The following TTC28 variants were observed in gnomAD, a reference collection of about 807,000 sequenced individuals.
TTC28 encodes the protein tetratricopeptide repeat domain 28, also known as tetratricopeptide repeat protein 28.
TTC28 carries 61 observed loss-of-function variants against 198.0 expected under a neutral mutation model. The ratio of observed to expected loss-of-function variants is 0.31; its 90% CI spans 0.25 to 0.38. The LOEUF (loss-of-function observed/expected upper bound fraction) is 0.38. TTC28 is among the 10% of genes least tolerant of loss of function. The pLI is 1.00. For synonymous variants in TTC28, 1,171 were observed against 1,297.8 expected (o/e 0.90, Z 2.10); for missense variants, 2,678 against 3,164.0 (o/e 0.85, Z 3.69).
At chr22:28,052,015 G>A (rs1940105866) in intron 12 of TTC28, among the ~76,000 whole-genome samples, 1 of 152,156 alleles carries the variant, frequency 6.6e-6, no homozygotes, top group South Asian at 2.1e-4. Flanking sequence ...ACAGACAAAA[G>A]AGCCAAGGGG....
intron 2 of TTC28, among the ~76,000 whole-genome samples, chr22:28,323,397 T>G (rs1242586345): frequency 6.6e-6 from 1 of 152,104 alleles, no homozygotes; most frequent in Non-Finnish European, 1.5e-5. Flanking sequence ...CTATTCAGAA[T>G]CCTATCAGAT....
intron 2 of TTC28, among the ~76,000 whole-genome samples, chr22:28,616,180 C>G (rs980882774): frequency 1.3e-5 from 2 of 152,152 alleles, no homozygotes; most frequent in East Asian, 1.9e-4. Context: ...ACGACAAAGT[C>G]TTCAGAATCA....
At chr22:27,989,230 A>G (rs1023699818) in intron 21 of TTC28, among the ~76,000 whole-genome samples, 8 of 152,196 alleles carry the variant, frequency 5.3e-5, no homozygotes, top group Non-Finnish European at 2.9e-5. Flanking sequence ...GGCCCCTGCT[A>G]TGTGCAGTCC....
intron 2 of TTC28, among the ~76,000 whole-genome samples, chr22:28,348,784 C>T (rs2045947737): frequency 6.6e-6 from 1 of 152,162 alleles, no homozygotes; most frequent in Non-Finnish European, 1.5e-5. Flanking sequence ...GCTCTTTAAA[C>T]ATGTCAACTG....
intron 12 of TTC28, among the ~76,000 whole-genome samples, chr22:28,086,427 A>G (rs1415193553): frequency 5.3e-5 from 8 of 152,144 alleles, no homozygotes; most frequent in Non-Finnish European, 7.4e-5. Context: ...GGTACATAAC[A>G]AAATGAAGGC....
chr22:28,540,788 G>A (rs2049395036), intron 2 of TTC28, among the ~76,000 whole-genome samples: 3 of 152,170 alleles, frequency 2.0e-5, no homozygotes, highest in African/African-American at 7.2e-5. Flanking sequence ...TCTTAGGTCA[G>A]TCTAATATGC....
intron 9 of TTC28, among the ~76,000 whole-genome samples, chr22:28,099,340 C>T (rs1056844843): frequency 6.6e-6 from 1 of 152,202 alleles, no homozygotes; most frequent in Non-Finnish European, 1.5e-5. Context: ...CATGTGAGCT[C>T]GTCCTTAGCT....
intron 12 of TTC28, among the ~76,000 whole-genome samples, chr22:28,055,592 T>C (rs1940255556): frequency 6.6e-6 from 1 of 152,192 alleles, no homozygotes; most frequent in South Asian, 2.1e-4. Context: ...TATTTAGTTT[T>C]AAGGCTCACA....
chr22:28,647,460 G>A (rs2051487053), intron 1 of TTC28, among the ~76,000 whole-genome samples: 1 of 152,160 alleles, frequency 6.6e-6, no homozygotes, highest in Non-Finnish European at 1.5e-5. Flanking sequence ...CAGAGAGGAA[G>A]AAGGTATTTG....
intron 2 of TTC28, among the ~76,000 whole-genome samples, chr22:28,446,719 C>T (rs2047708620): frequency 6.6e-6 from 1 of 152,118 alleles, no homozygotes; most frequent in Non-Finnish European, 1.5e-5. Flanking sequence ...CCAATTAAAC[C>T]TCTTTTCTTT....
At chr22:28,541,533 A>G in intron 2 of TTC28, among the ~76,000 whole-genome samples, 1 of 152,198 alleles carries the variant, frequency 6.6e-6, no homozygotes, top group East Asian at 1.9e-4. Context: ...CAAATGCACA[A>G]CAGGAAAACA....
At chr22:28,439,627 A>G (rs1259971633) in intron 2 of TTC28, among the ~76,000 whole-genome samples, 2 of 152,214 alleles carry the variant, frequency 1.3e-5, no homozygotes, top group Non-Finnish European at 2.9e-5. Context: ...TACAAATTAT[A>G]ACACCTACCA....
chr22:28,211,238 A>C (rs548421862), intron 5 of TTC28, among the ~76,000 whole-genome samples: 1 of 152,260 alleles, frequency 6.6e-6, no homozygotes, highest in Admixed American at 6.5e-5. Flanking sequence ...CGAGCAAAAT[A>C]ACCAGCTAGC....
chr22:28,491,250 T>C (rs926235726), intron 2 of TTC28, among the ~76,000 whole-genome samples: 4 of 152,100 alleles, frequency 2.6e-5, no homozygotes, highest in East Asian at 1.9e-4. Flanking sequence ...AAAGCCAAAA[T>C]TGACAAATGG....
chr22:28,186,746 G>A (rs1442840205), intron 5 of TTC28, among the ~76,000 whole-genome samples: 1 of 152,152 alleles, frequency 6.6e-6, no homozygotes, highest in Non-Finnish European at 1.5e-5. Flanking sequence ...GGTTTACTTT[G>A]CTGCTAGTAA....
At chr22:28,032,471 G>A (rs567962867) in intron 12 of TTC28, among the ~76,000 whole-genome samples, 36 of 151,550 alleles carry the variant, frequency 2.4e-4, no homozygotes, top group South Asian at 6.2e-4. Context: ...TAAACACAGC[G>A]CAGTACCTGG....
Position 27,982,859 on chromosome 22 carries a change from G to A in TTC28, c.6808C>T (p.Pro2270Ser), listed in dbSNP as rs1218133095. Residue 2270 changes from proline (P) to serine (S), a missense_variant, in exon 23 of 23, where the codon CCA (proline) becomes TCA (serine). Coordinates refer to ENST00000397906, the MANE Select transcript of TTC28 (RefSeq NM_001145418.2). This position sits in a 1 kb window ranked among gnomAD's most constrained non-coding sequence, Gnocchi z 5.2. Reference sequence around the variant, plus strand: ...GTCTGTGAGTCGCAGCCGGGCGATGGCCGGCCACTGTGCTGGCTCGGGCTG... The same window carrying A: ...GTCTGTGAGTCGCAGCCGGGCGATGACCGGCCACTGTGCTGGCTCGGGCTG... ...KDSPSQHSGR[P>S]SPGCDSQTSQ... 6.5e-7 allele frequency: 1 copy of A among 1,546,182 alleles called. No individual in the cohort carries two copies. The highest frequency in any genetic ancestry group is 1.2e-5 in the South Asian group (1 of 83,572).
intron 6 of TTC28, among the ~76,000 whole-genome samples, chr22:28,110,852 T>C (rs1942461309): frequency 6.6e-6 from 1 of 151,862 alleles, no homozygotes; most frequent in Non-Finnish European, 1.5e-5. Flanking sequence ...GGAGGATCAT[T>C]TGAGCTCAGA....
intron 2 of TTC28, among the ~76,000 whole-genome samples, chr22:28,381,405 T>C (rs1264228255): frequency 2.0e-5 from 3 of 152,172 alleles, no homozygotes; most frequent in Non-Finnish European, 4.4e-5. Context: ...GCTCCTGGTA[T>C]AAGATCAATG....
Sources: gnomAD v4.1 joint callset for allele counts (sites outside exome capture counted in the v4.1 genomes callset) on GRCh38, gnomAD v4.1.1 for gene constraint, Gnocchi (gnomAD v3.1) non-coding constraint, MANE v1.5 for transcripts, NCBI Gene and HGNC (gene_info 2026-07-23, HGNC 2026-07-21) for gene names.